GRID2: variants seen among roughly 807,000 people sequenced by gnomAD.
GRID2 encodes glutamate ionotropic receptor delta type subunit 2.
In GRID2, 33 loss-of-function variants were observed where a neutral mutation model predicts 114.8. That is an observed-to-expected ratio of 0.29 (90% CI 0.22 to 0.38). The LOEUF (loss-of-function observed/expected upper bound fraction) is 0.38. Among genes scored for constraint, GRID2 ranks in the 10% least tolerant of loss-of-function variants. The pLI is 1.00. For synonymous variants in GRID2, 505 were observed against 449.9 expected (o/e 1.12, Z -1.55); for missense variants, 1,184 against 1,257.7 (o/e 0.94, Z 0.89).
At chr4:93,634,392 T>C (rs1272757824) in intron 14 of GRID2, among the ~76,000 whole-genome samples, 3 of 152,090 alleles carry the variant, frequency 2.0e-5, no homozygotes, top group Non-Finnish European at 4.4e-5. Flanking sequence ...AGTTGAGGGA[T>C]TTAGGTAGAG....
chr4:92,632,133 C>A (rs184066354), intron 2 of GRID2, among the ~76,000 whole-genome samples: 2 of 152,042 alleles, frequency 1.3e-5, no homozygotes, highest in Non-Finnish European at 2.9e-5. Context: ...GAAGACTTTG[C>A]GCTTTAAAAT....
chr4:93,755,174 T>C (rs980492253), intron 14 of GRID2, among the ~76,000 whole-genome samples: 6 of 152,218 alleles, frequency 3.9e-5, no homozygotes, highest in Admixed American at 2.0e-4. Context: ...GGTAGGCTAT[T>C]CCTTTTATAT....
At chr4:93,117,148 A>C (rs78171634) in intron 4 of GRID2, among the ~76,000 whole-genome samples, 1 of 152,168 alleles carries the variant, frequency 6.6e-6, no homozygotes, top group Admixed American at 6.6e-5. Context: ...AATTTATTAC[A>C]TAATGGTAAT....
intron 2 of GRID2, among the ~76,000 whole-genome samples, chr4:92,990,584 G>C (rs1031153536): frequency 6.6e-6 from 1 of 151,768 alleles, no homozygotes; most frequent in Non-Finnish European, 1.5e-5. Flanking sequence ...CAAAGTGCTG[G>C]GATGACAGGG....
At position 92,703,387 on chromosome 4, in the gene GRID2, T is replaced by G. The variant is rs60381092; in HGVS notation, c.244+113101T>G. The stretch of plus-strand genomic sequence containing the variant: ...TAGTTATTATTTAAAAATACTGACT[T>G]TAAAGAAACCTAAGATATATGAACT... On this transcript the variant is annotated intron_variant, in intron 2 of 15. Coordinates refer to ENST00000282020, the MANE Select transcript of GRID2 (RefSeq NM_001510.4). 1.5e-3 allele frequency among the ~76,000 whole-genome samples: 230 copies of G among 152,078 alleles called. 1 individual carries two copies. The highest frequency in any genetic ancestry group is 4.9e-3 in the African/African-American group (204 of 41,496).
intron 3 of GRID2, among the ~76,000 whole-genome samples, chr4:93,106,371 G>T (rs542327592): frequency 6.6e-6 from 1 of 152,098 alleles, no homozygotes; most frequent in South Asian, 2.1e-4. Flanking sequence ...TTTTGACATG[G>T]AGTCCCCCTC....
intron 2 of GRID2, among the ~76,000 whole-genome samples, chr4:92,681,650 C>T (rs1733655549): frequency 6.6e-6 from 1 of 151,956 alleles, no homozygotes; most frequent in African/African-American, 2.4e-5. Context: ...TGTAACAAAC[C>T]TGCACATTGT....
At chr4:93,083,457 G>A (rs768291636) in intron 2 of GRID2, among the ~76,000 whole-genome samples, 17 of 151,934 alleles carry the variant, frequency 1.1e-4, no homozygotes, top group Non-Finnish European at 2.5e-4. Flanking sequence ...CACTTTGGAG[G>A]CCGAGGCAGG....
intron 1 of GRID2, among the ~76,000 whole-genome samples, chr4:92,375,140 G>A (rs1333681207): frequency 6.6e-6 from 1 of 152,086 alleles, no homozygotes; most frequent in Non-Finnish European, 1.5e-5. Flanking sequence ...ATCAAATCAT[G>A]GGACTGTGGA....
At chr4:92,754,234 G>T (rs1560573297) in intron 2 of GRID2, among the ~76,000 whole-genome samples, 3 of 152,182 alleles carry the variant, frequency 2.0e-5, no homozygotes, top group South Asian at 2.1e-4. Context: ...GGCTTAGGCT[G>T]TTGTTGCACT....
intron 2 of GRID2, among the ~76,000 whole-genome samples, chr4:92,721,537 TATC>T (rs1254782260): frequency 5.9e-5 from 9 of 152,100 alleles, no homozygotes; most frequent in South Asian, 4.1e-4. Flanking sequence ...ATCTAGAAAG[TATC>T]ATAAGATAGC....
chr4:93,274,753 G>T (rs1343430700), intron 8 of GRID2, among the ~76,000 whole-genome samples: 7 of 152,002 alleles, frequency 4.6e-5, no homozygotes. Context: ...CTGCTGCATG[G>T]TTAGAATCTT....
In GRID2 at chr4:92,633,603, G is replaced by GA. The variant is rs1730918255; in HGVS notation, c.244+43323dup. 2.0e-5 allele frequency among the ~76,000 whole-genome samples: 3 copies of GA among 152,138 alleles called. No homozygotes were observed. In the South Asian group the frequency reaches 6.2e-4, roughly 32 times the overall value. Reference sequence around the variant, plus strand: ...CAATCATTATTTGTGATGTCATGGAGAAAAAATGAGGTAAGGATTTCTGAT... The same window carrying GA: ...CAATCATTATTTGTGATGTCATGGAGAAAAAAATGAGGTAAGGATTTCTGAT... On this transcript the variant is annotated intron_variant, in intron 2 of 15. Coordinates refer to ENST00000282020, the MANE Select transcript of GRID2 (RefSeq NM_001510.4).
rs13124333 is a variant in GRID2 at position 92,531,599 on chromosome 4, T to G, written c.89-58532T>G. Among the ~76,000 whole-genome samples the G allele has an allele frequency of 1.6e-3, 246 of 152,194 alleles. 1 individual carries two copies. Among genetic ancestry groups the G allele is most frequent in the Non-Finnish European group, 2.9e-3 (195 of 67,980 alleles). On this transcript the variant is annotated intron_variant, in intron 1 of 15. Coordinates refer to ENST00000282020, the MANE Select transcript of GRID2 (RefSeq NM_001510.4). Reference sequence around the variant, plus strand: ...AAGTGTTGAAATACTAACTACATTTTGAATAGGTCATCACTGGTGATCATA... The same window carrying G: ...AAGTGTTGAAATACTAACTACATTTGGAATAGGTCATCACTGGTGATCATA...
At chr4:92,457,602 A>G (rs71599241) in intron 1 of GRID2, among the ~76,000 whole-genome samples, 23,629 of 152,124 alleles carry the variant, frequency 0.16, 2,306 homozygotes, top group African/African-American at 0.28. Context: ...CTTACTCATT[A>G]TAATTTATTT....
intron 13 of GRID2, among the ~76,000 whole-genome samples, chr4:93,588,509 G>T (rs964399392): frequency 2.0e-5 from 3 of 152,126 alleles, no homozygotes; most frequent in Non-Finnish European, 2.9e-5. Context: ...TTACTTTGCA[G>T]TAACTATTCA....
chr4:93,334,744 C>G (rs376468607), intron 8 of GRID2, among the ~76,000 whole-genome samples: 79 of 152,252 alleles, frequency 5.2e-4, no homozygotes, highest in African/African-American at 1.8e-3. Flanking sequence ...GCCTGACCAA[C>G]ATGGAGAAAC....
intron 8 of GRID2, among the ~76,000 whole-genome samples, chr4:93,254,883 TC>T (rs1749395749): frequency 6.6e-6 from 1 of 152,136 alleles, no homozygotes; most frequent in Non-Finnish European, 1.5e-5. Context: ...GGGTTGTCAT[TC>T]CAACGTGATT....
chr4:92,985,240 T>C (rs1754434371), intron 2 of GRID2, among the ~76,000 whole-genome samples: 2 of 151,566 alleles, frequency 1.3e-5, no homozygotes, highest in Non-Finnish European at 2.9e-5. Context: ...TTTTTTTTTT[T>C]TGAGACGGAG....
Sources: gnomAD v4.1 joint callset for allele counts (sites outside exome capture counted in the v4.1 genomes callset) on GRCh38, gnomAD v4.1.1 for gene constraint, MANE v1.5 for transcripts, NCBI Gene and HGNC (gene_info 2026-07-23, HGNC 2026-07-21) for gene names.